The following SHB variants were observed in gnomAD, a reference collection of about 807,000 sequenced individuals.
SHB encodes the protein SH2 domain-containing adapter protein B.
In SHB, 20 loss-of-function variants were observed where a neutral mutation model predicts 52.3. That is an observed-to-expected ratio of 0.38 (90% CI 0.27 to 0.56). The LOEUF (loss-of-function observed/expected upper bound fraction) is 0.56. SHB is among the 20% of genes least tolerant of loss of function. The probability of loss-of-function intolerance (pLI) is 0.71; values close to 1 mark genes in which losing one functional copy is unlikely to be tolerated. For missense variants in SHB, 825 were observed against 723.3 expected (o/e 1.14, Z -1.61); for synonymous variants, 397 against 316.5 (o/e 1.25, Z -2.70).
chr9:37,923,169 A>G (rs1466802402), intron 5 of SHB, among the ~76,000 whole-genome samples: 1 of 152,230 alleles, frequency 6.6e-6, no homozygotes, highest in Admixed American at 6.5e-5. Flanking sequence ...AGCACTCCCC[A>G]GACCTGAGAG....
At chr9:37,970,030 C>T (rs1820573154) in intron 3 of SHB, among the ~76,000 whole-genome samples, 1 of 152,208 alleles carries the variant, frequency 6.6e-6, no homozygotes, top group African/African-American at 2.4e-5. Context: ...GGTGTCTCTG[C>T]CGGGTGGGAA....
At chr9:37,961,160 G>C (rs1768105358) in intron 3 of SHB, among the ~76,000 whole-genome samples, 1 of 152,300 alleles carries the variant, frequency 6.6e-6, no homozygotes, top group South Asian at 2.1e-4. Context: ...CTCCCTCTTG[G>C]TGGCTCCCAG....
chr9:37,957,984 TG>T (rs1832654471), intron 3 of SHB, among the ~76,000 whole-genome samples: 1 of 152,164 alleles, frequency 6.6e-6, no homozygotes, highest in Admixed American at 6.5e-5. Flanking sequence ...GGAAGGAAGC[TG>T]GGCTTCCTAG....
At chr9:37,968,236 T>C (rs1820552298) in intron 3 of SHB, among the ~76,000 whole-genome samples, 2 of 152,250 alleles carry the variant, frequency 1.3e-5, no homozygotes, top group African/African-American at 4.8e-5. Context: ...TCTTTTGTTT[T>C]TATTTAATCA....
chr9:38,021,780 T>C (rs1821285080), intron 1 of SHB, among the ~76,000 whole-genome samples: 1 of 152,220 alleles, frequency 6.6e-6, no homozygotes. Context: ...TGCCCTGCTG[T>C]CTGTGGGACA....
At chr9:37,981,389 T>G (rs1820721983) in intron 2 of SHB, among the ~76,000 whole-genome samples, 2 of 152,230 alleles carry the variant, frequency 1.3e-5, no homozygotes, top group African/African-American at 4.8e-5. Context: ...TGAAGCTTCC[T>G]CCACTCTCTC....
intron 2 of SHB, chr9:38,015,406 C>T: frequency 1.4e-6 from 1 of 703,160 alleles, no homozygotes; most frequent in Non-Finnish European, 2.6e-6. Context: ...CACACAATTG[C>T]TTTGACAAGG....
chr9:38,039,072 C>T (rs947531155), intron 1 of SHB, among the ~76,000 whole-genome samples: 1 of 152,118 alleles, frequency 6.6e-6, no homozygotes, highest in Non-Finnish European at 1.5e-5. Flanking sequence ...CAGCCCAGGA[C>T]ACTACACTAC....
intron 1 of SHB, among the ~76,000 whole-genome samples, chr9:38,019,340 C>A (rs749527040): frequency 5.3e-5 from 8 of 152,208 alleles, no homozygotes; most frequent in Non-Finnish European, 1.0e-4. Context: ...CCCTTGTTTT[C>A]CACAGGGCCC....
intron 2 of SHB, among the ~76,000 whole-genome samples, chr9:37,991,925 C>A (rs187097927): frequency 1.1e-4 from 17 of 152,340 alleles, no homozygotes; most frequent in African/African-American, 3.8e-4. Context: ...ACGACAGGTT[C>A]TTTCCCACAG....
intron 3 of SHB, among the ~76,000 whole-genome samples, chr9:37,961,092 C>T (rs932646008): frequency 1.5e-4 from 23 of 152,164 alleles, no homozygotes; most frequent in African/African-American, 5.1e-4. Context: ...AAAGGTCTGG[C>T]ACAAACGCCA....
intron 1 of SHB, among the ~76,000 whole-genome samples, chr9:38,056,482 C>A (rs574307364): frequency 6.6e-6 from 1 of 152,138 alleles, no homozygotes; most frequent in Non-Finnish European, 1.5e-5. Flanking sequence ...CAGGGGGATG[C>A]CACCACACAC....
chr9:38,003,879 C>A (rs766316661), intron 2 of SHB, among the ~76,000 whole-genome samples: 1 of 152,234 alleles, frequency 6.6e-6, no homozygotes, highest in Non-Finnish European at 1.5e-5. Flanking sequence ...ATGCTGTCGC[C>A]CACCGGCTGG....
intron 1 of SHB, among the ~76,000 whole-genome samples, chr9:38,040,682 G>A (rs901226186): frequency 6.6e-6 from 1 of 152,138 alleles, no homozygotes. Context: ...CTACGGTGGG[G>A]GGGCTGCAAG....
chr9:38,024,166 C>A (rs913581243), intron 1 of SHB, among the ~76,000 whole-genome samples: 1 of 152,248 alleles, frequency 6.6e-6, no homozygotes, highest in Non-Finnish European at 1.5e-5. Context: ...AAGTACTCCG[C>A]CCACATGCCT....
chr9:37,997,445 A>G lies in SHB; in HGVS notation c.838+18566T>C, dbSNP rs181735258. ...CTTAGGCCAAGCTCCAATTCCTTGGAAGCCTTTCCTGCCTCCTTTTCCCCT... is the reference window on the plus strand; with the variant it reads ...CTTAGGCCAAGCTCCAATTCCTTGGGAGCCTTTCCTGCCTCCTTTTCCCCT... On this transcript the variant is annotated intron_variant, in intron 2 of 5. Coordinates refer to ENST00000377707, the MANE Select transcript of SHB (RefSeq NM_003028.3). Among the ~76,000 whole-genome samples the G allele has an allele frequency of 3.3e-5, 5 of 152,298 alleles. No homozygotes were observed. The East Asian group carries it at 9.6e-4, about 29-fold the overall frequency.
rs1832729747 is a variant in SHB at position 37,964,699 on chromosome 9, CTG to C, written c.1055-8647_1055-8646del. Among the ~76,000 whole-genome samples, 5 of 152,170 alleles carry C rather than the reference CTG, an allele frequency of 3.3e-5. No homozygotes were observed. The South Asian group carries it at 1.0e-3, about 32-fold the overall frequency. On this transcript the variant is annotated intron_variant, in intron 3 of 5. Transcript: ENST00000377707. ...GCCCCTAACAAGTTCAGCATAAACC[CTG>C]TGTGAGTGCAATACAGTCTCAAAAA... is the stretch of plus-strand genomic sequence containing the variant.
At chr9:38,009,903 T>C (rs1413420678) in intron 2 of SHB, among the ~76,000 whole-genome samples, 1 of 152,262 alleles carries the variant, frequency 6.6e-6, no homozygotes, top group Admixed American at 6.5e-5. Flanking sequence ...AATGTGTAAT[T>C]GCTTACATAT....
intron 1 of SHB, among the ~76,000 whole-genome samples, chr9:38,021,613 A>C (rs1046430370): frequency 1.3e-5 from 2 of 152,054 alleles, no homozygotes; most frequent in African/African-American, 4.8e-5. Flanking sequence ...GGTTGCAGTT[A>C]GCTGAGATCG....
Sources: gnomAD v4.1 joint callset for allele counts (sites outside exome capture counted in the v4.1 genomes callset) on GRCh38, gnomAD v4.1.1 for gene constraint, MANE v1.5 for transcripts, NCBI Gene and HGNC (gene_info 2026-07-23, HGNC 2026-07-21) for gene names.